NME8: variants seen among roughly 807,000 people sequenced by gnomAD.
NME8 encodes the protein NME/NM23 family member 8.
NME8 carries 72 observed loss-of-function variants against 82.3 expected under a neutral mutation model. That is an observed-to-expected ratio of 0.87 (90% confidence interval 0.72 to 1.06). The LOEUF (loss-of-function observed/expected upper bound fraction) is 1.06. NME8 is among the 50% of genes least tolerant of loss of function. The pLI is 0.00. For missense variants in NME8, 712 were observed against 685.4 expected (o/e 1.04, Z -0.43); for synonymous variants, 267 against 228.5 (o/e 1.17, Z -1.52).
At chr7:37,885,369 C>T (rs1363126789) in intron 14 of NME8, 117 bp downstream of exon 14, 2 of 746,546 alleles carry the variant, frequency 2.7e-6, no homozygotes, top group Admixed American at 2.0e-5. Flanking sequence ...AGGAAAGCTA[C>T]CTTTCCTGGG....
intron 11 of NME8, among the ~76,000 whole-genome samples, chr7:37,870,026 G>T (rs1392265729): frequency 6.6e-6 from 1 of 152,128 alleles, no homozygotes; most frequent in Non-Finnish European, 1.5e-5. Context: ...AACGGAGATA[G>T]TGTACAAGTT....
At chr7:37,858,297 C>CT (rs1179021675) in intron 6 of NME8, among the ~76,000 whole-genome samples, 1 of 152,088 alleles carries the variant, frequency 6.6e-6, no homozygotes, top group Non-Finnish European at 1.5e-5. Flanking sequence ...TTGGATATAA[C>CT]TTTTTTCTGC....
At chr7:37,856,601 A>C (rs1023108687) in intron 5 of NME8, among the ~76,000 whole-genome samples, 1 of 152,230 alleles carries the variant, frequency 6.6e-6, no homozygotes, top group African/African-American at 2.4e-5. Flanking sequence ...ATGGAAGAAG[A>C]CACTATTATT....
chr7:37,897,115 C>G lies in NME8; in HGVS notation c.*15+8C>G, dbSNP rs1171242872. On this transcript the variant is annotated splice_region_variant and intron_variant, in intron 17 of 17. Coordinates refer to ENST00000199447, the MANE Select transcript of NME8 (RefSeq NM_016616.5). ...TAAAGTATATACTGTGAAGTACGTA[C>G]CTGTTTAATTATTATTTTATTTTAT... 6.8e-7 allele frequency: 1 copy of G among 1,461,524 alleles called. No individual in the cohort carries two copies. Among genetic ancestry groups the G allele is most frequent in the Admixed American group, 1.7e-5 (1 of 59,566 alleles). 90.5% of individuals were successfully genotyped at this position (1,461,524 alleles called of 1,614,324 possible). A position where few individuals can be genotyped will look rare whatever the true frequency, so the allele number is the denominator to read the frequency against.
chr7:37,881,345 C>G (rs1784941916), intron 12 of NME8, among the ~76,000 whole-genome samples: 1 of 152,092 alleles, frequency 6.6e-6, no homozygotes, highest in African/African-American at 2.4e-5. Flanking sequence ...TATTCCTCCT[C>G]TGGTAATAAT....
At chr7:37,889,359 T>C (rs1785094389) in intron 15 of NME8, among the ~76,000 whole-genome samples, 1 of 151,654 alleles carries the variant, frequency 6.6e-6, no homozygotes, top group Non-Finnish European at 1.5e-5. Flanking sequence ...CTATTTTTGG[T>C]TTTATCTTCA....
chr7:37,894,355 A>T lies in NME8; in HGVS notation c.1400-111A>T. ...TCGTTTGGCAGAGTTTTGCCATGTT[A>T]AACCACAATATGCAAATTAAACTAT... On this transcript the variant is annotated intron_variant, in intron 15 of 17. Transcript: ENST00000199447. The T allele has an allele frequency of 4.3e-6, 5 of 1,171,260 alleles. No homozygotes were observed. In the East Asian group the frequency reaches 1.2e-4, roughly 28 times the overall value. 72.6% of individuals were successfully genotyped at this position (1,171,260 alleles called of 1,614,324 possible). A position where few individuals can be genotyped will look rare whatever the true frequency, so the allele number is the denominator to read the frequency against.
At chr7:37,883,962 T>TAC (rs370823045) in intron 12 of NME8, among the ~76,000 whole-genome samples, 1,012 of 82,284 alleles carry the variant, frequency 0.012, 15 homozygotes, top group African/African-American at 0.027. Flanking sequence ...GGTTACTGTC[T>TAC]ACACACACAC....
intron 7 of NME8, 95 bp downstream of exon 7, chr7:37,862,239 C>T: frequency 1.2e-6 from 1 of 800,260 alleles, no homozygotes; most frequent in South Asian, 1.4e-5. Flanking sequence ...CCTCTAAAGG[C>T]TTTGAGTACT....
Position 37,894,481 on chromosome 7 carries a change from T to C in NME8, c.1415T>C (p.Ile472Thr), listed in dbSNP as rs757764957. Reference protein sequence around the residue: ...TSEQREQILKIVKEAGFDLTQ... With the variant: ...TSEQREQILKTVKEAGFDLTQ... Reference sequence around the variant, plus strand: ...TTTTTCTTAGAGCAGATCCTGAAGATAGTTAAGGAGGCTGGATTTGATCTG... The same window carrying C: ...TTTTTCTTAGAGCAGATCCTGAAGACAGTTAAGGAGGCTGGATTTGATCTG... The change falls in exon 16 of 18, where the codon ATA becomes ACA. Residue 472 changes from isoleucine to threonine, a missense_variant. By Grantham distance (89) the Ile-to-Thr change is moderately conservative. Coordinates refer to ENST00000199447, the MANE Select transcript of NME8 (RefSeq NM_016616.5). The C allele has an allele frequency of 6.2e-7, 1 of 1,613,028 alleles. No homozygotes were observed. The highest frequency in any genetic ancestry group is 1.7e-5 in the Admixed American group (1 of 59,938).
At chr7:37,877,526 T>C (rs554109152) in intron 12 of NME8, among the ~76,000 whole-genome samples, 18 of 152,352 alleles carry the variant, frequency 1.2e-4, no homozygotes, top group African/African-American at 4.3e-4. Context: ...TTTTTTTATA[T>C]CTAATATATG....
rs747465574 is a variant in NME8, at chr7:37,857,314, A to G, written c.239A>G (p.Asp80Gly). Reference protein sequence around the residue: ...DNIVTLQPFRDKCEPVFLFSV... With the variant: ...DNIVTLQPFRGKCEPVFLFSV... ...ATTGTGACTTTGCAGCCATTTAGAG[A>G]TAAATGTGAACCTGTTTTTCTCTTT... Residue 80 changes from aspartate to glycine, a missense_variant, in exon 6 of 18, where the codon GAT (aspartate) becomes GGT (glycine). Physicochemically the swap from Asp to Gly is moderately conservative, Grantham distance 94 (BLOSUM62 -1). Transcript: ENST00000199447. 4.3e-6 allele frequency: 7 copies of G among 1,611,454 alleles called. No homozygotes were observed. In the Admixed American group the frequency reaches 8.3e-5, roughly 19 times the overall value.
At chr7:37,890,137 G>C (rs1176940709) in intron 15 of NME8, among the ~76,000 whole-genome samples, 1 of 151,784 alleles carries the variant, frequency 6.6e-6, no homozygotes, top group Non-Finnish European at 1.5e-5. Flanking sequence ...CATTTGCCTT[G>C]TACATTTTTG....
At position 37,862,122 on chromosome 7, in the gene NME8, C is replaced by G. The variant is rs968749440; in HGVS notation, c.365C>G (p.Ala122Gly). 2.5e-5 allele frequency: 40 copies of G among 1,611,470 alleles called. No individual in the cohort carries two copies. Among genetic ancestry groups the G allele is most frequent in the Non-Finnish European group, 3.1e-5 (37 of 1,177,910 alleles). ...NLIDEERKIA[A>G]GEMARPQYPE... ...ATCGATGAGGAGAGAAAAATTGCAGCAGGTGAAATGGCTCGACCTCAGGTA... is the reference window on the plus strand; with the variant it reads ...ATCGATGAGGAGAGAAAAATTGCAGGAGGTGAAATGGCTCGACCTCAGGTA... Residue 122 changes from alanine (A) to glycine (G), a missense_variant, in exon 7 of 18, where the codon GCA becomes GGA. Ala to Gly is a moderately conservative substitution (Grantham distance 60). Transcript: ENST00000199447.
chr7:37,878,631 T>C (rs1378046572), intron 12 of NME8, among the ~76,000 whole-genome samples: 2 of 152,218 alleles, frequency 1.3e-5, no homozygotes, highest in Non-Finnish European at 2.9e-5. Context: ...CAATGTCTTT[T>C]AATATTTAAA....
At chr7:37,865,320 G>A (rs1413944080) in intron 9 of NME8, among the ~76,000 whole-genome samples, 1 of 152,210 alleles carries the variant, frequency 6.6e-6, no homozygotes, top group Non-Finnish European at 1.5e-5. Context: ...CAGGCCCCAA[G>A]CAAGTCTGAA....
intron 6 of NME8, among the ~76,000 whole-genome samples, chr7:37,857,597 G>A (rs1784529981): frequency 6.6e-6 from 1 of 152,138 alleles, no homozygotes; most frequent in South Asian, 2.1e-4. Flanking sequence ...TCTTTACTAA[G>A]GAAATGATCG....
At chr7:37,899,912 C>T (rs1244539064) in intron 17 of NME8, among the ~76,000 whole-genome samples, 2 of 152,168 alleles carry the variant, frequency 1.3e-5, no homozygotes, top group Non-Finnish European at 2.9e-5. Flanking sequence ...GCTGCACAAT[C>T]TGTCCTGGTA....
chr7:37,893,716 T>G (rs1785171455), intron 15 of NME8, among the ~76,000 whole-genome samples: 1 of 152,196 alleles, frequency 6.6e-6, no homozygotes, highest in Non-Finnish European at 1.5e-5. Flanking sequence ...ATAATAATGA[T>G]CACTTTCTCA....
Sources: allele counts gnomAD v4.1 joint callset (sites outside exome capture counted in the v4.1 genomes callset), GRCh38; gene constraint gnomAD v4.1.1; transcripts MANE v1.5; gene names NCBI Gene and HGNC (gene_info 2026-07-23, HGNC 2026-07-21).